DACH1: variants seen among roughly 807,000 people sequenced by gnomAD.
DACH1 encodes dachshund family transcription factor 1, also known as dachshund homolog 1.
A neutral mutation model predicts 54.2 loss-of-function variants in DACH1; 12 were observed. The ratio of observed to expected loss-of-function variants is 0.22; its 90% CI spans 0.14 to 0.36. The LOEUF (loss-of-function observed/expected upper bound fraction) is 0.36. Ranked by LOEUF, DACH1 falls within the 10% of genes least tolerant of loss-of-function variation. The pLI is 1.00. For missense variants in DACH1, 805 were observed against 929.8 expected (o/e 0.87, Z 1.75); for synonymous variants, 386 against 366.2 (o/e 1.05, Z -0.62).
rs1873897352 is a variant in DACH1 at position 71,440,268 on chromosome 13, C to CAA, written c.*385_*386dup. 6.2e-6 allele frequency: 1 copy of CAA among 162,168 alleles called. No individual in the cohort carries two copies. The highest frequency in any genetic ancestry group is 2.4e-5 in the African/African-American group (1 of 41,468). 10.0% of individuals were successfully genotyped at this position (162,168 alleles called of 1,614,324 possible). Reference sequence around the variant, plus strand: ...CTGTAAGTCTGGGTAACCACTGCTACAAGAGTCTCTTGATGTGCTCAGATA... The same window carrying CAA: ...CTGTAAGTCTGGGTAACCACTGCTACAAAAGAGTCTCTTGATGTGCTCAGATA... On this transcript the variant is annotated 3_prime_UTR_variant, in exon 11 of 11. Coordinates refer to ENST00000613252, the MANE Select transcript of DACH1 (RefSeq NM_080759.6).
chr13:71,703,346 G>T (rs972315732), intron 1 of DACH1, among the ~76,000 whole-genome samples: 2 of 152,126 alleles, frequency 1.3e-5, no homozygotes, highest in African/African-American at 4.8e-5. Context: ...CCGTCACTGG[G>T]AAGAAGTCTG....
rs1566552036 is a variant in DACH1 at position 71,866,280 on chromosome 13, AGCTGCTGCTGCTACTGCT to A, written c.472_489del (p.Ser158_Ser163del). On this transcript the variant is annotated inframe_deletion, in exon 1 of 11. Coordinates refer to ENST00000613252, the MANE Select transcript of DACH1 (RefSeq NM_080759.6). ...ACGGGTTTCCCGGGGAGGGGGCCGC[AGCTGCTGCTGCTACTGCT>A]GCTGCTGCTACTACTGCTGCTGCTG... 4 of 1,583,838 alleles carry A rather than the reference AGCTGCTGCTGCTACTGCT, an allele frequency of 2.5e-6. No homozygotes were observed. The highest frequency in any genetic ancestry group is 1.8e-5 in the Admixed American group (1 of 55,050).
rs398023338 is a variant in DACH1, at chr13:71,692,506, C to CTTTTTTTTTTTTTTTTT, written c.849-10613_849-10597dup. On this transcript the variant is annotated intron_variant, in intron 1 of 10. Transcript: ENST00000613252. Reference sequence around the variant, plus strand: ...CCTTTCTTTTTCTTTCTTTTCTTTCCTTTTTTTTTTTTTTTTTTTTTTTTT... The same window carrying CTTTTTTTTTTTTTTTTT: ...CCTTTCTTTTTCTTTCTTTTCTTTCCTTTTTTTTTTTTTTTTTTTTTTTTTTTTTTTTTTTTTTTTTT... Among the ~76,000 whole-genome samples the CTTTTTTTTTTTTTTTTT allele has an allele frequency of 9.0e-5, 4 of 44,438 alleles. 1 individual carries two copies. Among genetic ancestry groups the CTTTTTTTTTTTTTTTTT allele is most frequent in the African/African-American group, 3.6e-4 (3 of 8,332 alleles). The allele number at this position is 44,438 out of a possible 152,430, so 29.2% of individuals were successfully genotyped here.
chr13:71,576,604 C>T (rs1273855318), intron 3 of DACH1, among the ~76,000 whole-genome samples: 2 of 152,094 alleles, frequency 1.3e-5, no homozygotes, highest in African/African-American at 4.8e-5. Context: ...ACTCTAAGGG[C>T]ACCAGATTAT....
chr13:71,699,772 G>T (rs1882019548), intron 1 of DACH1, among the ~76,000 whole-genome samples: 1 of 152,048 alleles, frequency 6.6e-6, no homozygotes. Flanking sequence ...TGTGCATATT[G>T]GTCTTATTTA....
At chr13:71,486,592 T>C (rs543769862) in intron 7 of DACH1, among the ~76,000 whole-genome samples, 16 of 152,164 alleles carry the variant, frequency 1.1e-4, no homozygotes, top group Non-Finnish European at 1.9e-4. Flanking sequence ...TGTATATGTA[T>C]GTGTGTGTAT....
intron 6 of DACH1, among the ~76,000 whole-genome samples, chr13:71,536,777 C>G (rs1298130187): frequency 1.3e-5 from 2 of 152,026 alleles, no homozygotes; most frequent in Non-Finnish European, 2.9e-5. Context: ...CTTGAGCTTT[C>G]TCTTTCTATC....
intron 1 of DACH1, among the ~76,000 whole-genome samples, chr13:71,784,668 A>G (rs1287964536): frequency 6.6e-6 from 1 of 152,092 alleles, no homozygotes; most frequent in Non-Finnish European, 1.5e-5. Flanking sequence ...TTCTTTATAT[A>G]TTAGAATTCA....
At chr13:71,486,210 C>G (rs538169513) in intron 7 of DACH1, among the ~76,000 whole-genome samples, 2 of 151,714 alleles carry the variant, frequency 1.3e-5, no homozygotes, top group African/African-American at 2.4e-5. Context: ...TTTATGAAAA[C>G]ACGTTATTTT....
intron 2 of DACH1, among the ~76,000 whole-genome samples, chr13:71,655,628 C>A (rs1879042672): frequency 6.6e-6 from 1 of 152,016 alleles, no homozygotes; most frequent in South Asian, 2.1e-4. Context: ...ACCTCTGCCT[C>A]CCTAAGTGCT....
At chr13:71,781,103 C>T (rs1886350670) in intron 1 of DACH1, among the ~76,000 whole-genome samples, 1 of 152,104 alleles carries the variant, frequency 6.6e-6, no homozygotes, top group Non-Finnish European at 1.5e-5. Flanking sequence ...ACACTGCACT[C>T]CAGCCTGGGT....
At chr13:71,816,760 G>A (rs977792841) in intron 1 of DACH1, among the ~76,000 whole-genome samples, 1 of 151,684 alleles carries the variant, frequency 6.6e-6, no homozygotes, top group African/African-American at 2.4e-5. Context: ...GTCCTTTGCA[G>A]GAGCCTGGAT....
intron 6 of DACH1, among the ~76,000 whole-genome samples, chr13:71,491,441 G>A (rs940707618): frequency 4.6e-5 from 7 of 152,110 alleles, no homozygotes; most frequent in African/African-American, 1.4e-4. Flanking sequence ...TTAATGGAAC[G>A]CTCATTTTGG....
chr13:71,718,161 G>C (rs1448971003), intron 1 of DACH1, among the ~76,000 whole-genome samples: 2 of 152,066 alleles, frequency 1.3e-5, no homozygotes, highest in East Asian at 3.9e-4. Flanking sequence ...AACAAAATGG[G>C]AACCTTAAAA....
At chr13:71,682,808 T>G (rs1211661769) in intron 1 of DACH1, among the ~76,000 whole-genome samples, 1 of 152,118 alleles carries the variant, frequency 6.6e-6, no homozygotes, top group African/African-American at 2.4e-5. Flanking sequence ...TAAGCAGAGG[T>G]AGAGACAGCT....
rs181391468 is a variant in DACH1, at chr13:71,598,150, G to A, written c.1127-25138C>T. 1.6e-3 allele frequency among the ~76,000 whole-genome samples: 246 copies of A among 152,064 alleles called. 1 individual carries two copies. The highest frequency in any genetic ancestry group is 5.7e-3 in the African/African-American group (238 of 41,488). ...AAAATTAAACCCTTTATATTAAGAT[G>A]CACTAGCTATAATTTTGTTTCATTG... is the stretch of plus-strand genomic sequence containing the variant. On this transcript the variant is annotated intron_variant, in intron 3 of 10. Coordinates refer to ENST00000613252, the MANE Select transcript of DACH1 (RefSeq NM_080759.6).
At chr13:71,486,213 G>A (rs1011763173) in intron 7 of DACH1, among the ~76,000 whole-genome samples, 4 of 151,630 alleles carry the variant, frequency 2.6e-5, no homozygotes, top group Non-Finnish European at 4.4e-5. Context: ...ATGAAAACAC[G>A]TTATTTTAAA....
intron 10 of DACH1, 21 bp downstream of exon 10, chr13:71,475,120 T>C (rs373398931): frequency 7.5e-6 from 12 of 1,610,418 alleles, no homozygotes; most frequent in African/African-American, 2.7e-5. Flanking sequence ...TCTAGATTTA[T>C]AGCCTTCTGC....
At chr13:71,455,907 A>G (rs78879188) in intron 10 of DACH1, among the ~76,000 whole-genome samples, 4,257 of 152,210 alleles carry the variant, frequency 0.028, 202 homozygotes, top group African/African-American at 0.095. Flanking sequence ...TCCTTTGCAA[A>G]TTGCTCATGA....
Sources: gnomAD v4.1 joint callset for allele counts (sites outside exome capture counted in the v4.1 genomes callset) on GRCh38, gnomAD v4.1.1 for gene constraint, MANE v1.5 for transcripts, NCBI Gene and HGNC (gene_info 2026-07-23, HGNC 2026-07-21) for gene names.